Variants in ATP5PO observed in about 807,000 individuals in gnomAD.
ATP5PO encodes the protein ATP synthase peripheral stalk subunit OSCP.
ATP5PO carries 14 observed loss-of-function variants against 26.2 expected under a neutral mutation model. The observed-to-expected ratio is 0.53, with a 90% CI of 0.35 to 0.83. The LOEUF (loss-of-function observed/expected upper bound fraction) is 0.83, where lower values mean the gene tolerates loss of function less well. ATP5PO is among the 40% of genes least tolerant of loss of function. The pLI is 0.01. For synonymous variants in ATP5PO, 106 were observed against 95.1 expected, an observed-to-expected ratio of 1.12 and a Z score of -0.67; for missense variants, 241 against 258.5, an observed-to-expected ratio of 0.93 and a Z score of 0.46.
chr21:33,906,105 C>T (rs1987168754), intron 5 of ATP5PO, among the ~76,000 whole-genome samples: 1 of 152,004 alleles, frequency 6.6e-6, no homozygotes, highest in Non-Finnish European at 1.5e-5. Flanking sequence ...TGCAGCCAGG[C>T]ACATGTTTTG....
intron 4 of ATP5PO, among the ~76,000 whole-genome samples, chr21:33,908,030 T>A (rs1464803721): frequency 6.6e-6 from 1 of 151,930 alleles, no homozygotes; most frequent in African/African-American, 2.4e-5. Flanking sequence ...ACTCAAAAAT[T>A]AGTGGCGCAT....
chr21:33,905,918 G>GAAA lies in ATP5PO; in HGVS notation c.441+1420_441+1422dup, dbSNP rs59334506. Reference sequence around the variant, plus strand: ...CAGAGTGAGACTCAGTCTCAAAAAAGAAAAAAAAAAAAAAAAAAAAGAAAA... The same window carrying GAAA: ...CAGAGTGAGACTCAGTCTCAAAAAAGAAAAAAAAAAAAAAAAAAAAAAAGAAAA... On this transcript the variant is annotated intron_variant, in intron 5 of 6. Coordinates refer to ENST00000290299, the MANE Select transcript of ATP5PO (RefSeq NM_001697.3). Among the ~76,000 whole-genome samples, 180 of 98,448 alleles carry GAAA rather than the reference G, an allele frequency of 1.8e-3. 5 individuals are homozygous for GAAA. The East Asian group carries it at 0.034, about 19-fold the overall frequency. 64.6% of individuals were successfully genotyped at this position (98,448 alleles called of 152,430 possible). A position where few individuals can be genotyped will look rare whatever the true frequency, so the allele number is the denominator to read the frequency against.
intron 4 of ATP5PO, among the ~76,000 whole-genome samples, chr21:33,908,316 T>C (rs2148606171): frequency 6.6e-6 from 1 of 152,298 alleles, no homozygotes; most frequent in East Asian, 1.9e-4. Flanking sequence ...CTGATTTTCA[T>C]ATTTATGTTA....
chr21:33,907,161 AC>A (rs1205757197), intron 5 of ATP5PO, 179 bp downstream of exon 5: 1 of 584,734 alleles, frequency 1.7e-6, no homozygotes, highest in Non-Finnish European at 3.0e-6. Flanking sequence ...CTAATAAGAT[AC>A]ACGCTGGCTT....
intron 2 of ATP5PO, 26 bp downstream of exon 2, chr21:33,914,424 T>C: frequency 2.0e-5 from 32 of 1,606,012 alleles, no homozygotes; most frequent in Non-Finnish European, 2.7e-5. Context: ...TACTTTATCA[T>C]TACAGAAGAA....
intron 5 of ATP5PO, among the ~76,000 whole-genome samples, chr21:33,904,242 A>C (rs1419182699): frequency 2.0e-5 from 3 of 152,068 alleles, no homozygotes; most frequent in East Asian, 3.9e-4. Flanking sequence ...GGCAGCTCCC[A>C]CTCAGCCGTT....
intron 3 of ATP5PO, among the ~76,000 whole-genome samples, 194 bp from the exon 4 acceptor site, chr21:33,909,405 G>A (rs189733981): frequency 1.1e-4 from 16 of 151,638 alleles, no homozygotes; most frequent in Admixed American, 2.6e-4. Flanking sequence ...TCAGCCTCCC[G>A]AATAGCTGCA....
At chr21:33,909,278 A>ACTTT (rs1244880700) in intron 3 of ATP5PO, 67 bp from the exon 4 acceptor site, 9 of 1,516,014 alleles carry the variant, frequency 5.9e-6, no homozygotes, top group African/African-American at 2.8e-5. Context: ...CCATGCACAC[A>ACTTT]CTTTCTTTCT....
At chr21:33,903,776 T>C in intron 6 of ATP5PO, 137 bp from the exon 7 acceptor site, 1 of 1,100,646 alleles carries the variant, frequency 9.1e-7, no homozygotes. Flanking sequence ...AAAGTAAAAC[T>C]GCACAGTCAG....
Position 33,903,945 on chromosome 21 carries a change from A to G in ATP5PO, c.518T>C (p.Leu173Ser). 1 of 1,610,080 alleles carries G rather than the reference A, an allele frequency of 6.2e-7. No individual in the cohort carries two copies. The highest frequency in any genetic ancestry group is 1.1e-5 in the South Asian group (1 of 90,224). ...TAATTTAAAACCTACCTTAGCCTCC[A>G]ATTTCAATACTTGGCCTTGACTTAG... is the stretch of plus-strand genomic sequence containing the variant. ...SFLSQGQVLKLEAKTDPSILG... is the reference protein window; with the variant it reads ...SFLSQGQVLKSEAKTDPSILG... The change falls in exon 6 of 7, where the codon TTG becomes TCG. Residue 173 changes from leucine to serine, a missense_variant. By Grantham distance (145) the Leu-to-Ser change is moderately radical. Transcript: ENST00000290299.
At chr21:33,905,926 A>AAAAAAG (rs1569365867) in intron 5 of ATP5PO, among the ~76,000 whole-genome samples, 1 of 150,174 alleles carries the variant, frequency 6.7e-6, no homozygotes, top group African/African-American at 2.4e-5. Flanking sequence ...AAGAAAAAAA[A>AAAAAAG]AAAAAAAAAA....
chr21:33,911,662 G>GTTTT (rs58774588), intron 3 of ATP5PO, among the ~76,000 whole-genome samples: 1,239 of 92,040 alleles, frequency 0.013, 81 homozygotes, highest in African/African-American at 0.042. Context: ...ATAAGCATAG[G>GTTTT]TTTTTTTTTT....
Position 33,912,399 on chromosome 21 carries a change from G to C in ATP5PO, c.88C>G (p.Pro30Ala). Residue 30 changes from proline (P) to alanine (A), a missense_variant and splice_region_variant, in exon 3 of 7, where the codon CCT (proline) becomes GCT (alanine). Coordinates refer to ENST00000290299, the MANE Select transcript of ATP5PO (RefSeq NM_001697.3). ...VVRPFAKLVR[P>A]PVQVYGIEGR... Reference sequence around the variant, plus strand: ...TCAATACCGTATACCTGAACAGGAGGCTTTAAAAAAAAGGTGAAATAGGAG... The same window carrying C: ...TCAATACCGTATACCTGAACAGGAGCCTTTAAAAAAAAGGTGAAATAGGAG... 1 of 1,601,712 alleles carries C rather than the reference G, an allele frequency of 6.2e-7. No homozygotes were observed. Among genetic ancestry groups the C allele is most frequent in the Non-Finnish European group, 8.5e-7 (1 of 1,172,512 alleles).
At chr21:33,914,767 C>A in intron 1 of ATP5PO, 2 of 400,938 alleles carry the variant, frequency 5.0e-6, no homozygotes, top group Admixed American at 8.7e-5. Flanking sequence ...ACCCGTAAGA[C>A]AGAAAAACAC....
chr21:33,909,618 C>T (rs988746552), intron 3 of ATP5PO, among the ~76,000 whole-genome samples: 3 of 151,962 alleles, frequency 2.0e-5, no homozygotes, highest in South Asian at 2.1e-4. Flanking sequence ...TTAGCACTGC[C>T]GAAGAACATA....
chr21:33,912,835 A>G (rs1430682659), intron 2 of ATP5PO, among the ~76,000 whole-genome samples: 1 of 152,232 alleles, frequency 6.6e-6, no homozygotes, highest in Non-Finnish European at 1.5e-5. Context: ...ACACAAGTAT[A>G]CTTTTATACA....
At chr21:33,907,781 G>A (rs1301823651) in intron 4 of ATP5PO, among the ~76,000 whole-genome samples, 1 of 152,152 alleles carries the variant, frequency 6.6e-6, no homozygotes, top group East Asian at 1.9e-4. Context: ...TGCTATGACT[G>A]TCCTACTGCA....
In ATP5PO at chr21:33,903,834, A is replaced by C. The variant is rs904976599; in HGVS notation, c.528+101T>G. The C allele has an allele frequency of 5.1e-6, 6 of 1,170,094 alleles. No individual in the cohort carries two copies. In the African/African-American group the frequency reaches 9.4e-5, roughly 18 times the overall value. 72.5% of individuals were successfully genotyped at this position (1,170,094 alleles called of 1,614,324 possible). Reference sequence around the variant, plus strand: ...AATACAAAATTTTAACTACAGAAAAATTAGTATAGAGTTAGATCTAATATT... The same window carrying C: ...AATACAAAATTTTAACTACAGAAAACTTAGTATAGAGTTAGATCTAATATT... On this transcript the variant is annotated intron_variant, in intron 6 of 6. Transcript: ENST00000290299.
intron 3 of ATP5PO, among the ~76,000 whole-genome samples, chr21:33,911,697 C>T (rs929183999): frequency 2.1e-4 from 22 of 107,070 alleles, no homozygotes; most frequent in African/African-American, 7.6e-4. Context: ...GAGACGGAGT[C>T]TCGTACCGTC....
Sources: gnomAD v4.1 joint callset for allele counts (sites outside exome capture counted in the v4.1 genomes callset) on GRCh38, gnomAD v4.1.1 for gene constraint, MANE v1.5 for transcripts, NCBI Gene and HGNC (gene_info 2026-07-23, HGNC 2026-07-21) for gene names.